Variants in PLCL1 observed in about 807,000 individuals in gnomAD.
PLCL1 encodes phospholipase C like 1 (inactive).
Under a neutral mutation model 84.4 loss-of-function variants are expected in PLCL1, and 41 were observed. The ratio of observed to expected loss-of-function variants is 0.49; its 90% CI spans 0.38 to 0.63. The LOEUF (loss-of-function observed/expected upper bound fraction) is 0.63. PLCL1 is among the 30% of genes least tolerant of loss of function. The pLI, the probability that PLCL1 is intolerant of heterozygous loss-of-function variation, is 0.00. For missense variants in PLCL1, 1,206 were observed against 1,367.8 expected (o/e 0.88, Z 1.87); for synonymous variants, 490 against 488.3 (o/e 1.00, Z -0.05).
intron 1 of PLCL1, among the ~76,000 whole-genome samples, chr2:198,050,355 T>C (rs1209271821): frequency 6.6e-6 from 1 of 151,932 alleles, no homozygotes; most frequent in African/African-American, 2.4e-5. Flanking sequence ...ATGGTTAATA[T>C]GTAGATACTT....
intron 1 of PLCL1, among the ~76,000 whole-genome samples, chr2:197,971,596 A>G (rs1689866310): frequency 6.6e-6 from 1 of 152,216 alleles, no homozygotes; most frequent in Admixed American, 6.5e-5. Context: ...TAGAATTAGC[A>G]AAAACTTGTC....
At chr2:197,905,185 C>T (rs1258473821) in intron 1 of PLCL1, among the ~76,000 whole-genome samples, 3 of 152,106 alleles carry the variant, frequency 2.0e-5, no homozygotes, top group South Asian at 2.1e-4. Context: ...CCCATCAACC[C>T]GTCATCCAGG....
chr2:197,869,283 A>G (rs1687604270), intron 1 of PLCL1, among the ~76,000 whole-genome samples: 1 of 152,154 alleles, frequency 6.6e-6, no homozygotes. Flanking sequence ...TCCACAATGT[A>G]CTTAGTGAAA....
At chr2:198,075,459 G>A (rs1193743676) in intron 1 of PLCL1, among the ~76,000 whole-genome samples, 3 of 152,218 alleles carry the variant, frequency 2.0e-5, no homozygotes, top group African/African-American at 7.2e-5. Flanking sequence ...ATTGCATGCA[G>A]CAGTGGGATT....
chr2:198,005,181 A>G (rs1690700864), intron 1 of PLCL1, among the ~76,000 whole-genome samples: 1 of 152,146 alleles, frequency 6.6e-6, no homozygotes, highest in South Asian at 2.1e-4. Context: ...ATGTGTGTTA[A>G]CTTAGAACTT....
chr2:197,971,557 G>A (rs2105797705), intron 1 of PLCL1, among the ~76,000 whole-genome samples: 1 of 152,216 alleles, frequency 6.6e-6, no homozygotes, highest in East Asian at 1.9e-4. Flanking sequence ...CAGGGGAAGG[G>A]GAAGATAGAT....
chr2:197,936,817 G>A (rs1689063790), intron 1 of PLCL1, among the ~76,000 whole-genome samples: 2 of 151,786 alleles, frequency 1.3e-5, no homozygotes, highest in South Asian at 2.1e-4. Flanking sequence ...AAGGTTTTTT[G>A]CTTGTGCTTT....
chr2:197,955,540 T>C lies in PLCL1; in HGVS notation c.241-128218T>C, dbSNP rs183114947. On this transcript the variant is annotated intron_variant, in intron 1 of 5. Coordinates refer to ENST00000428675, the MANE Select transcript of PLCL1 (RefSeq NM_006226.4). ...TCCTATTGATCTTTCCTCCCCTTAC[T>C]CCCCCATCCCCCATCAGGCCCTGGT... is the stretch of plus-strand genomic sequence containing the variant. 4.5e-3 allele frequency among the ~76,000 whole-genome samples: 678 copies of C among 151,442 alleles called. 5 individuals carry two copies. Among genetic ancestry groups the C allele is most frequent in the African/African-American group, 0.016 (651 of 41,302 alleles).
intron 1 of PLCL1, among the ~76,000 whole-genome samples, chr2:197,827,742 G>A (rs961981087): frequency 1.3e-5 from 2 of 151,994 alleles, no homozygotes; most frequent in Admixed American, 6.6e-5. Context: ...CCAGATATTC[G>A]CTCTTCAAGA....
chr2:198,033,957 TA>T (rs1256314332), intron 1 of PLCL1, among the ~76,000 whole-genome samples: 2 of 152,202 alleles, frequency 1.3e-5, no homozygotes, highest in Non-Finnish European at 2.9e-5. Flanking sequence ...TTTCTGTTTT[TA>T]TTTTTTTATT....
chr2:198,074,841 T>C (rs1336604922), intron 1 of PLCL1, among the ~76,000 whole-genome samples: 3 of 152,224 alleles, frequency 2.0e-5, no homozygotes, highest in Non-Finnish European at 4.4e-5. Flanking sequence ...ATGTGCAACA[T>C]TAATTAGAAT....
In PLCL1 at chr2:198,110,341, G is replaced by A. The variant is rs568644762; in HGVS notation, c.3105+6405G>A. ...TCTAAAACATTTTCAATTTCCGTGGGAAGAGCAGAGATTGAAGCTTCTCAC... is the reference window on the plus strand; with the variant it reads ...TCTAAAACATTTTCAATTTCCGTGGAAAGAGCAGAGATTGAAGCTTCTCAC... On this transcript the variant is annotated intron_variant, in intron 5 of 5. Transcript: ENST00000428675. Among the ~76,000 whole-genome samples the A allele has an allele frequency of 2.0e-5, 3 of 151,912 alleles. No homozygotes were observed. In the South Asian group the frequency reaches 6.2e-4, roughly 31 times the overall value.
intron 1 of PLCL1, among the ~76,000 whole-genome samples, chr2:198,004,047 A>G (rs1033067430): frequency 6.6e-6 from 1 of 152,210 alleles, no homozygotes; most frequent in Admixed American, 6.5e-5. Flanking sequence ...GGTAATTAAA[A>G]ACTGAAAGTA....
chr2:197,840,662 C>T (rs1686979514), intron 1 of PLCL1, among the ~76,000 whole-genome samples: 1 of 152,098 alleles, frequency 6.6e-6, no homozygotes, highest in South Asian at 2.1e-4. Flanking sequence ...GGAATAAATG[C>T]TCCTAAAATG....
At chr2:198,131,841 GA>G (rs1214958700) in intron 5 of PLCL1, among the ~76,000 whole-genome samples, 14 of 152,184 alleles carry the variant, frequency 9.2e-5, no homozygotes, top group Non-Finnish European at 1.5e-4. Flanking sequence ...TTCTTGAAGT[GA>G]GACTGCATGT....
intron 1 of PLCL1, among the ~76,000 whole-genome samples, chr2:198,012,532 A>C (rs556745173): frequency 6.6e-6 from 1 of 152,142 alleles, no homozygotes; most frequent in East Asian, 1.9e-4. Flanking sequence ...TGTGTCTTTT[A>C]ATTGGTGCAT....
At chr2:197,969,800 T>G (rs899219914) in intron 1 of PLCL1, among the ~76,000 whole-genome samples, 2 of 152,208 alleles carry the variant, frequency 1.3e-5, no homozygotes, top group Non-Finnish European at 2.9e-5. Context: ...ACTGCTCAAC[T>G]CCTACTTTTC....
intron 1 of PLCL1, among the ~76,000 whole-genome samples, chr2:197,849,107 C>T (rs1030003425): frequency 1.2e-4 from 19 of 152,046 alleles, no homozygotes; most frequent in African/African-American, 4.6e-4. Context: ...AAGGTGGAGA[C>T]AAACATGACA....
intron 5 of PLCL1, among the ~76,000 whole-genome samples, chr2:198,130,213 C>G (rs1694086476): frequency 6.6e-6 from 1 of 152,096 alleles, no homozygotes; most frequent in Non-Finnish European, 1.5e-5. Flanking sequence ...GCTGACTCCC[C>G]ACTTCTTGCA....
Sources: allele counts gnomAD v4.1 joint callset (sites outside exome capture counted in the v4.1 genomes callset), GRCh38; gene constraint gnomAD v4.1.1; transcripts MANE v1.5; gene names NCBI Gene and HGNC (gene_info 2026-07-23, HGNC 2026-07-21).